The following STK33 variants were observed in gnomAD, a reference collection of about 807,000 sequenced individuals.
The protein encoded by STK33 is serine/threonine-protein kinase 33.
Under a neutral mutation model 58.0 loss-of-function variants are expected in STK33, and 52 were observed. The observed-to-expected ratio is 0.90, with a 90% CI of 0.72 to 1.13. STK33 has a LOEUF of 1.13. STK33 is among the 50% of genes most tolerant of loss of function. STK33 has a pLI of 0.00. For missense variants in STK33, 630 were observed against 604.2 expected, an observed-to-expected ratio of 1.04 and a Z score of -0.45; for synonymous variants, 215 against 200.1, an observed-to-expected ratio of 1.07 and a Z score of -0.63.
At position 8,391,891 on chromosome 11, in the gene STK33, T is replaced by C. The variant is rs551198312; in HGVS notation, c.*619A>G. 7.2e-5 allele frequency: 11 copies of C among 153,244 alleles called. No homozygotes were observed. The highest frequency in any genetic ancestry group is 1.5e-5 in the Non-Finnish European group (1 of 68,428). 9.5% of individuals were successfully genotyped at this position (153,244 alleles called of 1,614,324 possible). The stretch of plus-strand genomic sequence containing the variant: ...AATGTGCTGAGTAACATCTGTTTTT[T>C]ATTGATTTAATCAATACATTGGGAA... On this transcript the variant is annotated 3_prime_UTR_variant, in exon 16 of 16. Transcript: ENST00000687296.
intron 1 of STK33, among the ~76,000 whole-genome samples, chr11:8,532,257 G>C (rs1210595136): frequency 1.3e-5 from 2 of 152,224 alleles, no homozygotes; most frequent in Non-Finnish European, 2.9e-5. Flanking sequence ...ATTTAAACCA[G>C]GAGTTAGCAA....
At chr11:8,478,305 T>C (rs1198094457) in intron 2 of STK33, among the ~76,000 whole-genome samples, 1 of 152,158 alleles carries the variant, frequency 6.6e-6, no homozygotes, top group Non-Finnish European at 1.5e-5. Context: ...TATAAAAATA[T>C]GTATTACAAA....
At chr11:8,475,360 A>G (rs1949169733) in intron 4 of STK33, 1 of 153,486 alleles carries the variant, frequency 6.5e-6, no homozygotes, top group East Asian at 1.9e-4. Flanking sequence ...TTAATTGGAC[A>G]GACATATATG....
chr11:8,456,803 AC>A (rs773638901), intron 9 of STK33, among the ~76,000 whole-genome samples: 91 of 152,202 alleles, frequency 6.0e-4, no homozygotes, highest in Admixed American at 3.1e-3. Context: ...ATTTGTCAAA[AC>A]CCCAAGAGTG....
intron 15 of STK33, among the ~76,000 whole-genome samples, chr11:8,399,092 GA>G (rs1849905041): frequency 6.6e-6 from 1 of 152,164 alleles, no homozygotes; most frequent in Non-Finnish European, 1.5e-5. Context: ...TCCAGGAATT[GA>G]ACTCAGCTCT....
the STK33 span, among the ~76,000 whole-genome samples, chr11:8,342,830 C>T: frequency 6.6e-6 from 1 of 152,170 alleles, no homozygotes; most frequent in Non-Finnish European, 1.5e-5. Flanking sequence ...ATTATTAAGA[C>T]CTGGCTTTCC....
At chr11:8,368,967 C>T in the STK33 span, among the ~76,000 whole-genome samples, 59 of 152,276 alleles carry the variant, frequency 3.9e-4, no homozygotes, top group African/African-American at 1.4e-3. Context: ...ACCGCAGAAG[C>T]CATCAGCGTC....
intron 8 of STK33, among the ~76,000 whole-genome samples, chr11:8,459,302 G>A (rs987425723): frequency 2.0e-5 from 3 of 152,128 alleles, no homozygotes; most frequent in African/African-American, 7.2e-5. Context: ...TAATACTTAA[G>A]ATAGCTTCAA....
intron 15 of STK33, among the ~76,000 whole-genome samples, chr11:8,393,719 G>A (rs1848892657): frequency 6.6e-6 from 1 of 152,166 alleles, no homozygotes; most frequent in South Asian, 2.1e-4. Flanking sequence ...GTGATAAGAT[G>A]GTGTGTAACA....
intron 6 of STK33, among the ~76,000 whole-genome samples, chr11:8,468,114 G>A (rs886664641): frequency 1.3e-5 from 2 of 152,100 alleles, no homozygotes; most frequent in African/African-American, 2.4e-5. Flanking sequence ...CACATGGCTG[G>A]GGAGGCCTCA....
At chr11:8,471,865 AT>A (rs1260872542) in intron 6 of STK33, among the ~76,000 whole-genome samples, 11 of 152,066 alleles carry the variant, frequency 7.2e-5, no homozygotes, top group Non-Finnish European at 1.3e-4. Context: ...TATTTGCCTA[AT>A]TTTTCACAAT....
intron 1 of STK33, among the ~76,000 whole-genome samples, chr11:8,561,075 T>G (rs1957081667): frequency 6.6e-6 from 1 of 152,230 alleles, no homozygotes; most frequent in East Asian, 1.9e-4. Flanking sequence ...TTCTTCTGTT[T>G]TCATACAACG....
chr11:8,517,864 T>C (rs940182673), intron 1 of STK33, among the ~76,000 whole-genome samples: 1 of 152,270 alleles, frequency 6.6e-6, no homozygotes. Context: ...CTATGATTGA[T>C]TGGTGTACCT....
the STK33 span, among the ~76,000 whole-genome samples, chr11:8,357,333 G>T: frequency 1.2e-4 from 19 of 152,360 alleles, no homozygotes; most frequent in Middle Eastern, 3.4e-3. Flanking sequence ...AGCAGCCCGC[G>T]GAGCCAGGAG....
intron 1 of STK33, among the ~76,000 whole-genome samples, chr11:8,591,748 C>T (rs1475139309): frequency 6.6e-6 from 1 of 151,678 alleles, no homozygotes; most frequent in Non-Finnish European, 1.5e-5. Context: ...AAAAACCAAA[C>T]ACTGCATATT....
chr11:8,517,120 C>T (rs988626491), intron 1 of STK33, among the ~76,000 whole-genome samples: 3 of 152,178 alleles, frequency 2.0e-5, no homozygotes, highest in African/African-American at 7.2e-5. Context: ...CCGGGTGCCC[C>T]TCTGAGACAA....
intron 1 of STK33, among the ~76,000 whole-genome samples, chr11:8,546,842 C>A (rs937822225): frequency 6.6e-6 from 1 of 152,188 alleles, no homozygotes; most frequent in African/African-American, 2.4e-5. Context: ...CACTGATGGG[C>A]ACTTAGGTTG....
intron 11 of STK33, among the ~76,000 whole-genome samples, chr11:8,446,705 C>A (rs1437249803): frequency 6.6e-6 from 1 of 152,100 alleles, no homozygotes; most frequent in Non-Finnish European, 1.5e-5. Flanking sequence ...CTGATAGAAA[C>A]AAGCAATGGG....
intron 15 of STK33, among the ~76,000 whole-genome samples, chr11:8,406,892 GA>G (rs1590810669): frequency 6.6e-6 from 1 of 151,960 alleles, no homozygotes; most frequent in Non-Finnish European, 1.5e-5. Flanking sequence ...TAGTGAGAGA[GA>G]ACATCGTTCC....
Sources: allele counts gnomAD v4.1 joint callset (sites outside exome capture counted in the v4.1 genomes callset), GRCh38; gene constraint gnomAD v4.1.1; transcripts MANE v1.5; gene names NCBI Gene and HGNC (gene_info 2026-07-23, HGNC 2026-07-21).